Variants in ASIC2 observed in about 807,000 individuals in gnomAD.
ASIC2 encodes the protein acid-sensing ion channel 2.
A neutral mutation model predicts 57.3 loss-of-function variants in ASIC2; 25 were observed. The observed-to-expected ratio is 0.44, with a 90% CI of 0.32 to 0.61. The LOEUF (loss-of-function observed/expected upper bound fraction) is 0.61. ASIC2 is among the 20% of genes least tolerant of loss of function. The pLI is 0.06. For missense variants in ASIC2, 641 were observed against 738.1 expected (o/e 0.87, Z 1.52); for synonymous variants, 319 against 307.5 (o/e 1.04, Z -0.39).
intron 1 of ASIC2, among the ~76,000 whole-genome samples, chr17:33,784,451 A>G (rs1911547523): frequency 1.3e-5 from 2 of 152,126 alleles, no homozygotes; most frequent in Admixed American, 1.3e-4. Flanking sequence ...TTTCATGACC[A>G]TTGCTACCTC....
At chr17:33,971,149 G>T (rs1308511106) in intron 1 of ASIC2, among the ~76,000 whole-genome samples, 1 of 152,196 alleles carries the variant, frequency 6.6e-6, no homozygotes, top group Non-Finnish European at 1.5e-5. Flanking sequence ...ATGATTCACA[G>T]CCAAATACAG....
At chr17:33,475,705 G>C (rs1819633249) in intron 1 of ASIC2, among the ~76,000 whole-genome samples, 1 of 152,132 alleles carries the variant, frequency 6.6e-6, no homozygotes, top group African/African-American at 2.4e-5. Context: ...CACTTTTTCA[G>C]TGTAACAGCG....
intron 1 of ASIC2, among the ~76,000 whole-genome samples, chr17:33,389,960 G>A (rs1909829621): frequency 6.6e-6 from 1 of 152,152 alleles, no homozygotes. Context: ...GGAGCCTCAA[G>A]AATCACGGCC....
intron 1 of ASIC2, among the ~76,000 whole-genome samples, chr17:33,301,863 A>G (rs1905972331): frequency 6.6e-6 from 1 of 152,102 alleles, no homozygotes; most frequent in Non-Finnish European, 1.5e-5. Context: ...CACATCCACT[A>G]ACAGGGAATC....
chr17:33,157,983 A>G lies in ASIC2; in HGVS notation c.709-45916T>C, dbSNP rs185316918. Among the ~76,000 whole-genome samples the G allele has an allele frequency of 6.4e-4, 98 of 152,264 alleles. 1 individual carries two copies. Among genetic ancestry groups the G allele is most frequent in the African/African-American group, 2.3e-3 (95 of 41,568 alleles). ...GCCCTTGCTGTTCCCTCCTCCTGGA[A>G]TGTTCCTCCCCCAGCATTGACATGG... On this transcript the variant is annotated intron_variant, in intron 1 of 9. Coordinates refer to ENST00000225823, the MANE Select transcript of ASIC2 (RefSeq NM_183377.2).
chr17:33,880,586 A>C (rs317359), intron 1 of ASIC2, among the ~76,000 whole-genome samples: 39,762 of 152,058 alleles, frequency 0.26, 5,389 homozygotes, highest in Middle Eastern at 0.36. Context: ...ATAGACCAAT[A>C]ACAGGCTCTG....
chr17:33,800,508 A>G (rs980605085), intron 1 of ASIC2, among the ~76,000 whole-genome samples: 2 of 152,170 alleles, frequency 1.3e-5, no homozygotes, highest in African/African-American at 4.8e-5. Flanking sequence ...TAACTGCTTT[A>G]TCCACTTACG....
rs1459119736 is a variant in ASIC2 at position 33,332,686 on chromosome 17, T to C, written c.556-220619A>G. ...CAGGTGGATCACCTGAGGTCAGGAG[T>C]TCGAGAGCAGCCTGGCCAACATGGT... On this transcript the variant is annotated intron_variant, in intron 1 of 9. Coordinates refer to the ASIC2 transcript ENST00000359872. 4.0e-5 allele frequency among the ~76,000 whole-genome samples: 6 copies of C among 151,648 alleles called. No homozygotes were observed. The East Asian group carries it at 7.7e-4, about 20-fold the overall frequency.
intron 1 of ASIC2, among the ~76,000 whole-genome samples, chr17:34,041,815 C>T (rs938418594): frequency 1.3e-5 from 2 of 152,192 alleles, no homozygotes; most frequent in Non-Finnish European, 2.9e-5. Context: ...ACACATACTG[C>T]AATCTCCTAA....
chr17:33,286,043 G>C (rs959351913), intron 1 of ASIC2, among the ~76,000 whole-genome samples: 1 of 152,212 alleles, frequency 6.6e-6, no homozygotes, highest in Non-Finnish European at 1.5e-5. Flanking sequence ...AAAGACAAAA[G>C]TATCTTTCTT....
chr17:33,770,757 A>G (rs956800533), intron 1 of ASIC2, among the ~76,000 whole-genome samples: 3 of 152,188 alleles, frequency 2.0e-5, no homozygotes, highest in East Asian at 3.8e-4. Context: ...ACTTTATAGC[A>G]TTAATGCTTT....
intron 1 of ASIC2, among the ~76,000 whole-genome samples, chr17:33,273,901 C>T (rs1904604874): frequency 6.6e-6 from 1 of 152,106 alleles, no homozygotes; most frequent in African/African-American, 2.4e-5. Flanking sequence ...ATTAGTTGAG[C>T]CTCTGCTTTG....
chr17:33,236,582 C>T (rs1056272112), intron 1 of ASIC2, among the ~76,000 whole-genome samples: 1 of 152,070 alleles, frequency 6.6e-6, no homozygotes, highest in South Asian at 2.1e-4. Context: ...CCCAAGTGAT[C>T]CGCCTGCCTC....
At chr17:33,143,251 T>A (rs1904403427) in intron 1 of ASIC2, among the ~76,000 whole-genome samples, 1 of 152,206 alleles carries the variant, frequency 6.6e-6, no homozygotes, top group South Asian at 2.1e-4. Context: ...GTGGACCACA[T>A]TTAGGGACAA....
intron 1 of ASIC2, among the ~76,000 whole-genome samples, chr17:33,413,675 T>C (rs1319226032): frequency 4.6e-5 from 7 of 152,346 alleles, no homozygotes; most frequent in African/African-American, 1.7e-4. Context: ...GATTTTCACA[T>C]GTTCAGCCTT....
chr17:33,343,826 C>T (rs1461740205), intron 1 of ASIC2, among the ~76,000 whole-genome samples: 2 of 152,184 alleles, frequency 1.3e-5, no homozygotes, highest in African/African-American at 2.4e-5. Context: ...AAATGAAATC[C>T]GATCTCTTCT....
chr17:34,087,860 A>G (rs930645026), intron 1 of ASIC2, among the ~76,000 whole-genome samples: 16 of 152,180 alleles, frequency 1.1e-4, no homozygotes, highest in African/African-American at 3.9e-4. Context: ...CATTCTTCAC[A>G]TAGTTCTCGA....
chr17:33,464,526 T>C lies in ASIC2; in HGVS notation c.556-352459A>G, dbSNP rs1194019016. Among the ~76,000 whole-genome samples the C allele has an allele frequency of 4.3e-4, 17 of 39,160 alleles. 2 individuals are homozygous for C. The highest frequency in any genetic ancestry group is 7.2e-4 in the Non-Finnish European group (13 of 18,134). The allele number at this position is 39,160 out of a possible 152,430, so 25.7% of individuals were successfully genotyped here. A position where few individuals can be genotyped will look rare whatever the true frequency, so the allele number is the denominator to read the frequency against. On this transcript the variant is annotated intron_variant, in intron 1 of 9. Coordinates refer to the ASIC2 transcript ENST00000359872. ...TTTCTTTCTTTCTTTCTTTCTTTCT[T>C]TCTTTCTTTCTTTCTCTTTCTTTCT... is the stretch of plus-strand genomic sequence containing the variant.
intron 1 of ASIC2, among the ~76,000 whole-genome samples, chr17:33,685,286 C>G (rs556049599): frequency 2.4e-4 from 36 of 152,346 alleles, no homozygotes; most frequent in African/African-American, 8.4e-4. Context: ...CTACCATGCC[C>G]TGCTCCCACA....
Sources: allele counts gnomAD v4.1 joint callset (sites outside exome capture counted in the v4.1 genomes callset), GRCh38; gene constraint gnomAD v4.1.1; transcripts MANE v1.5; gene names NCBI Gene and HGNC (gene_info 2026-07-23, HGNC 2026-07-21).